The following TMEM74 variants were observed in gnomAD, a reference collection of about 807,000 sequenced individuals.
TMEM74 encodes transmembrane protein 74.
In TMEM74, 13 loss-of-function variants were observed where a neutral mutation model predicts 18.1. The ratio of observed to expected loss-of-function variants is 0.72; its 90% CI spans 0.47 to 1.14. The LOEUF is 1.14. TMEM74 is among the 50% of genes most tolerant of loss of function. TMEM74 has a pLI of 0.00. For missense variants in TMEM74, 372 were observed against 375.9 expected, an observed-to-expected ratio of 0.99 and a Z score of 0.09; for synonymous variants, 159 against 146.6, an observed-to-expected ratio of 1.08 and a Z score of -0.61.
intron 2 of TMEM74, among the ~76,000 whole-genome samples, chr8:108,636,683 C>A (rs1159904950): frequency 6.6e-6 from 1 of 152,000 alleles, no homozygotes; most frequent in Non-Finnish European, 1.5e-5. Context: ...CATCAAGTTT[C>A]TGGACACAAC....
chr8:108,737,153 C>T (rs1384039579), intron 1 of TMEM74, among the ~76,000 whole-genome samples: 4 of 152,134 alleles, frequency 2.6e-5, no homozygotes, highest in Admixed American at 6.5e-5. Context: ...ATTGTGGGTT[C>T]ATACCCTGGC....
chr8:108,620,837 A>G (rs746124498), intron 2 of TMEM74, among the ~76,000 whole-genome samples: 2 of 152,146 alleles, frequency 1.3e-5, no homozygotes, highest in African/African-American at 4.8e-5. Flanking sequence ...TAGTAAGAGT[A>G]AAGAGAAAGA....
chr8:108,729,087 T>C (rs1048816349), intron 1 of TMEM74, among the ~76,000 whole-genome samples: 2 of 152,234 alleles, frequency 1.3e-5, no homozygotes, highest in African/African-American at 4.8e-5. Flanking sequence ...CAAAATCTGA[T>C]ACATGTTTCA....
At chr8:108,647,792 A>C (rs554260168) in intron 2 of TMEM74, among the ~76,000 whole-genome samples, 2 of 152,158 alleles carry the variant, frequency 1.3e-5, no homozygotes, top group Non-Finnish European at 2.9e-5. Flanking sequence ...GAAGATAAAC[A>C]GGTGATTTCA....
chr8:108,756,700 G>GA (rs1813975942), intron 1 of TMEM74, among the ~76,000 whole-genome samples: 1 of 103,940 alleles, frequency 9.6e-6, no homozygotes, highest in African/African-American at 4.9e-5. Context: ...AAGAAAGAAG[G>GA]AAGGAAAGAA....
intron 1 of TMEM74, among the ~76,000 whole-genome samples, chr8:108,687,568 A>G (rs569009221): frequency 6.6e-6 from 1 of 152,112 alleles, no homozygotes; most frequent in Non-Finnish European, 1.5e-5. Context: ...AAATAATTAT[A>G]CAACTCACCA....
chr8:108,641,376 C>T (rs1022878865), intron 2 of TMEM74, among the ~76,000 whole-genome samples: 3 of 152,120 alleles, frequency 2.0e-5, no homozygotes, highest in Non-Finnish European at 2.9e-5. Flanking sequence ...TTCCTGTAAG[C>T]GTATATGTTT....
At chr8:108,769,491 C>T (rs1321741679) in intron 1 of TMEM74, among the ~76,000 whole-genome samples, 3 of 152,102 alleles carry the variant, frequency 2.0e-5, no homozygotes, top group Non-Finnish European at 2.9e-5. Flanking sequence ...CCTCTTTTCT[C>T]CCTAGTTGCC....
At chr8:108,729,225 T>C (rs1813670736) in intron 1 of TMEM74, among the ~76,000 whole-genome samples, 1 of 152,206 alleles carries the variant, frequency 6.6e-6, no homozygotes, top group Non-Finnish European at 1.5e-5. Context: ...TGAGATTCCT[T>C]CCCTGCTGGC....
intron 1 of TMEM74, among the ~76,000 whole-genome samples, chr8:108,663,715 C>T (rs1812922655): frequency 6.6e-6 from 1 of 152,054 alleles, no homozygotes; most frequent in African/African-American, 2.4e-5. Flanking sequence ...AACCCAGATG[C>T]CCAACAGTGA....
At chr8:108,736,706 C>T (rs147611355) in intron 1 of TMEM74, among the ~76,000 whole-genome samples, 1 of 152,170 alleles carries the variant, frequency 6.6e-6, no homozygotes, top group African/African-American at 2.4e-5. Context: ...AAGTACTTGA[C>T]AATTAAATAA....
intron 1 of TMEM74, among the ~76,000 whole-genome samples, chr8:108,728,323 G>C (rs1035215066): frequency 6.6e-6 from 1 of 152,120 alleles, no homozygotes; most frequent in African/African-American, 2.4e-5. Flanking sequence ...TTTCCTATGA[G>C]AACAAGTGAG....
At chr8:108,678,601 G>A (rs1813079008) in intron 1 of TMEM74, among the ~76,000 whole-genome samples, 1 of 150,312 alleles carries the variant, frequency 6.7e-6, no homozygotes, top group African/African-American at 2.4e-5. Flanking sequence ...TCGAAATCCT[G>A]GCCTCAAGTG....
chr8:108,644,203 C>G (rs1812693399), intron 2 of TMEM74, among the ~76,000 whole-genome samples: 1 of 152,096 alleles, frequency 6.6e-6, no homozygotes, highest in Non-Finnish European at 1.5e-5. Flanking sequence ...AACCGCAAAC[C>G]TACAGCCTTG....
At chr8:108,671,246 G>T (rs1262402461) in intron 1 of TMEM74, among the ~76,000 whole-genome samples, 1 of 152,090 alleles carries the variant, frequency 6.6e-6, no homozygotes, top group East Asian at 1.9e-4. Flanking sequence ...CTCCAATTTG[G>T]CTTAGAATAG....
intron 1 of TMEM74, among the ~76,000 whole-genome samples, chr8:108,747,892 C>T (rs112972476): frequency 0.032 from 4,848 of 152,206 alleles, 246 homozygotes; most frequent in African/African-American, 0.11. Flanking sequence ...AGGACATGAT[C>T]TCATTCCTTT....
At position 108,784,820 on chromosome 8, in the gene TMEM74, T is replaced by C. The variant is rs1440121771; in HGVS notation, c.279A>G (p.Ile93Met). The C allele has an allele frequency of 6.2e-7, 1 of 1,614,072 alleles. No homozygotes were observed. The highest frequency in any genetic ancestry group is 2.2e-5 in the East Asian group (1 of 44,886). Residue 93 changes from isoleucine (I) to methionine (M), a missense_variant, in exon 2 of 2, where the codon ATA (isoleucine) becomes ATG (methionine). By Grantham distance (10) the Ile-to-Met change is conservative (BLOSUM62 1). Transcript: ENST00000297459. ...AGTTACAGACTTTCCGTTCCGCTGTTATTTGGTTGTTCCCTGAGTGGAGAA... is the reference window on the plus strand; with the variant it reads ...AGTTACAGACTTTCCGTTCCGCTGTCATTTGGTTGTTCCCTGAGTGGAGAA... Reference protein sequence around the residue: ...PGLLHSGNNQITAERKVCNCC... With the variant: ...PGLLHSGNNQMTAERKVCNCC...
chr8:108,626,754 C>T (rs1411591443), intron 2 of TMEM74: 1 of 151,976 alleles, frequency 6.6e-6, no homozygotes, highest in Non-Finnish European at 1.5e-5. Flanking sequence ...TCAATGTTTT[C>T]TTGCTAGACC....
intron 1 of TMEM74, among the ~76,000 whole-genome samples, chr8:108,769,320 CTA>C (rs1400084515): frequency 3.3e-5 from 5 of 152,058 alleles, no homozygotes; most frequent in African/African-American, 1.2e-4. Flanking sequence ...GAACAAGACT[CTA>C]TCTTACACAC....
Sources: allele counts gnomAD v4.1 joint callset (sites outside exome capture counted in the v4.1 genomes callset), GRCh38; gene constraint gnomAD v4.1.1; transcripts MANE v1.5; gene names NCBI Gene and HGNC (gene_info 2026-07-23, HGNC 2026-07-21).